Variants in SLC13A1 observed in about 807,000 individuals in gnomAD.
SLC13A1 encodes the protein Na(+)/sulfate cotransporter.
Under a neutral mutation model 70.0 loss-of-function variants are expected in SLC13A1, and 65 were observed. The observed-to-expected ratio is 0.93, with a 90% CI of 0.76 to 1.14. The LOEUF is 1.14. SLC13A1 is among the 50% of genes most tolerant of loss of function. SLC13A1 has a pLI of 0.00. For missense variants in SLC13A1, 726 were observed against 717.8 expected (o/e 1.01, Z -0.13); for synonymous variants, 275 against 250.5 (o/e 1.10, Z -0.92).
chr7:123,128,095 T>C (rs1793626179), intron 10 of SLC13A1, among the ~76,000 whole-genome samples: 1 of 152,030 alleles, frequency 6.6e-6, no homozygotes. Context: ...AAATTAACTC[T>C]GACCTAGCTT....
chr7:123,193,072 A>G (rs1319786679), intron 1 of SLC13A1, among the ~76,000 whole-genome samples: 2 of 152,172 alleles, frequency 1.3e-5, no homozygotes, highest in Non-Finnish European at 2.9e-5. Context: ...ACACAGTGGA[A>G]CTGGAAAAAG....
chr7:123,171,842 T>C lies in SLC13A1; in HGVS notation c.291A>G (p.Thr97=). 6.2e-7 allele frequency: 1 copy of C among 1,613,378 alleles called. No homozygotes were observed. Among genetic ancestry groups the C allele is most frequent in the Non-Finnish European group, 8.5e-7 (1 of 1,179,384 alleles). ...TGTGCAAATTCCATTTTTCTATGGA[T>C]GTTGCTAAACAGATAACTCCAATTA... ...LLLIGVICLA[T]SIEKWNLHKR... The change falls in exon 3 of 15, where the codon ACA becomes ACG. Residue 97 remains threonine, a synonymous_variant. Coordinates refer to ENST00000194130, the MANE Select transcript of SLC13A1 (RefSeq NM_022444.4).
chr7:123,141,370 G>T (rs1029745322), intron 7 of SLC13A1, among the ~76,000 whole-genome samples: 2 of 152,154 alleles, frequency 1.3e-5, no homozygotes, highest in Non-Finnish European at 2.9e-5. Flanking sequence ...CTGAGGAAAA[G>T]AATGTGTATA....
chr7:123,136,955 A>G (rs935039049), intron 7 of SLC13A1, among the ~76,000 whole-genome samples: 6 of 152,178 alleles, frequency 3.9e-5, no homozygotes, highest in African/African-American at 1.4e-4. Context: ...GAGAGATAGG[A>G]GGCCACTGTG....
At chr7:123,147,055 A>T in intron 7 of SLC13A1, 104 bp downstream of exon 7, 2 of 1,148,402 alleles carry the variant, frequency 1.7e-6, no homozygotes, top group Non-Finnish European at 1.2e-6. Context: ...AGGGAGAGTT[A>T]ACATAACATC....
At chr7:123,138,308 T>G (rs1448356048) in intron 7 of SLC13A1, among the ~76,000 whole-genome samples, 2 of 152,150 alleles carry the variant, frequency 1.3e-5, no homozygotes, top group East Asian at 3.8e-4. Flanking sequence ...TCTTCATCCA[T>G]CCGTTGATAG....
At chr7:123,199,253 G>A (rs1312967682) in intron 1 of SLC13A1, among the ~76,000 whole-genome samples, 1 of 152,080 alleles carries the variant, frequency 6.6e-6, no homozygotes, top group Non-Finnish European at 1.5e-5. Context: ...ATGCTTACAA[G>A]TACACCACAA....
At position 123,180,519 on chromosome 7, in the gene SLC13A1, C is replaced by T. The variant is rs1027196551; in HGVS notation, c.228+454G>A. On this transcript the variant is annotated intron_variant, in intron 2 of 14. Coordinates refer to ENST00000194130, the MANE Select transcript of SLC13A1 (RefSeq NM_022444.4). ...ATGAATAAACTCCTCTCAGCAAGAA[C>T]AAAATGGAGCTATACATGAACATTA... 3.7e-4 allele frequency among the ~76,000 whole-genome samples: 57 copies of T among 152,022 alleles called. 1 individual carries two copies. The highest frequency in any genetic ancestry group is 1.3e-3 in the African/African-American group (55 of 41,402).
rs142703205 is a variant in SLC13A1 at position 123,151,386 on chromosome 7, G to GTGTGTGTA, written c.661-4077_661-4076insTACACACA. ...AATATATGTGTGTGTGTGTGTGTGTGTATATATATATATATATGTATATGT... is the reference window on the plus strand; with the variant it reads ...AATATATGTGTGTGTGTGTGTGTGTGTGTGTGTATATATATATATATATATGTATATGT... On this transcript the variant is annotated intron_variant, in intron 6 of 14. Coordinates refer to ENST00000194130, the MANE Select transcript of SLC13A1 (RefSeq NM_022444.4). Among the ~76,000 whole-genome samples, 163 of 145,882 alleles carry GTGTGTGTA rather than the reference G, an allele frequency of 1.1e-3. 1 individual carries two copies. Among genetic ancestry groups the GTGTGTGTA allele is most frequent in the East Asian group, 5.4e-3 (27 of 4,966 alleles).
intron 1 of SLC13A1, among the ~76,000 whole-genome samples, chr7:123,197,283 G>A (rs1198379720): frequency 1.3e-5 from 2 of 152,124 alleles, no homozygotes; most frequent in African/African-American, 2.4e-5. Context: ...TCTACATCCT[G>A]TAGATTATAG....
At chr7:123,175,653 T>A (rs926180375) in intron 2 of SLC13A1, among the ~76,000 whole-genome samples, 2 of 152,200 alleles carry the variant, frequency 1.3e-5, no homozygotes, top group African/African-American at 4.8e-5. Flanking sequence ...TGCCTTGATC[T>A]TGGACTTCAC....
intron 1 of SLC13A1, among the ~76,000 whole-genome samples, chr7:123,197,469 C>T (rs550780076): frequency 2.0e-5 from 3 of 151,938 alleles, no homozygotes; most frequent in Non-Finnish European, 4.4e-5. Flanking sequence ...GTAAACTTCT[C>T]CTTAAATTTT....
At position 123,163,918 on chromosome 7, in the gene SLC13A1, CA is replaced by C. The variant is rs1451472957; in HGVS notation, c.660+4455del. Among the ~76,000 whole-genome samples the C allele has an allele frequency of 6.3e-4, 96 of 151,788 alleles. 3 individuals carry two copies. The highest frequency in any genetic ancestry group is 2.2e-3 in the African/African-American group (93 of 41,420). ...TTACTGAATTTATTTATTCAATAAGCAAATATTTACTATTTACAGCAGTCAC... is the reference window on the plus strand; with the variant it reads ...TTACTGAATTTATTTATTCAATAAGCAATATTTACTATTTACAGCAGTCAC... On this transcript the variant is annotated intron_variant, in intron 6 of 14. Transcript: ENST00000194130.
Position 123,189,137 on chromosome 7 carries a change from G to A in SLC13A1, c.100-8036C>T, listed in dbSNP as rs1194809617. Among the ~76,000 whole-genome samples, 556 of 105,636 alleles carry A rather than the reference G, an allele frequency of 5.3e-3. 8 individuals are homozygous for A. The highest frequency in any genetic ancestry group is 0.01 in the Middle Eastern group (2 of 196). The allele number at this position is 105,636 out of a possible 152,430, so 69.3% of individuals were successfully genotyped here. ...CTCAAAAAAAAAAAAAAAAAAGAAA[G>A]AAAATCTTTCTACATTATATATTTC... On this transcript the variant is annotated intron_variant, in intron 1 of 14. Coordinates refer to ENST00000194130, the MANE Select transcript of SLC13A1 (RefSeq NM_022444.4).
chr7:123,198,255 G>C (rs1027893190), intron 1 of SLC13A1, among the ~76,000 whole-genome samples: 1 of 151,934 alleles, frequency 6.6e-6, no homozygotes, highest in Admixed American at 6.6e-5. Flanking sequence ...GTCATCTGAT[G>C]GGGCTGCCAG....
At chr7:123,199,111 C>T (rs1048802352) in intron 1 of SLC13A1, among the ~76,000 whole-genome samples, 2 of 152,074 alleles carry the variant, frequency 1.3e-5, no homozygotes, top group Admixed American at 1.3e-4. Flanking sequence ...TACCAAGTGA[C>T]GTTTGTGCCT....
chr7:123,137,786 G>A (rs1207118554), intron 7 of SLC13A1, among the ~76,000 whole-genome samples: 1 of 152,056 alleles, frequency 6.6e-6, no homozygotes, highest in Non-Finnish European at 1.5e-5. Flanking sequence ...TTTAATTTTT[G>A]TGGGTACATA....
intron 2 of SLC13A1, among the ~76,000 whole-genome samples, chr7:123,179,304 A>G (rs1795558542): frequency 6.6e-6 from 1 of 152,200 alleles, no homozygotes; most frequent in Non-Finnish European, 1.5e-5. Context: ...TTCAAAAATA[A>G]TATGTATCTC....
At chr7:123,139,122 TC>T (rs550793682) in intron 7 of SLC13A1, among the ~76,000 whole-genome samples, 169 of 152,250 alleles carry the variant, frequency 1.1e-3, no homozygotes, top group African/African-American at 3.9e-3. Flanking sequence ...CTAGTTTTAT[TC>T]TTCTACATAT....
Sources: gnomAD v4.1 joint callset for allele counts (sites outside exome capture counted in the v4.1 genomes callset) on GRCh38, gnomAD v4.1.1 for gene constraint, MANE v1.5 for transcripts, NCBI Gene and HGNC (gene_info 2026-07-23, HGNC 2026-07-21) for gene names.